Variants in DLGAP1 observed in about 807,000 individuals in gnomAD.
DLGAP1 encodes the protein disks large-associated protein 1.
A neutral mutation model predicts 90.8 loss-of-function variants in DLGAP1; 11 were observed. That is an observed-to-expected ratio of 0.12 (90% CI 0.08 to 0.20). DLGAP1 has a LOEUF of 0.20. DLGAP1 is among the 10% of genes least tolerant of loss of function. The probability of loss-of-function intolerance (pLI) is 1.00; values close to 1 mark genes in which losing one functional copy is unlikely to be tolerated. For missense variants in DLGAP1, 1,050 were observed against 1,333.8 expected, an observed-to-expected ratio of 0.79 and a Z score of 3.31; for synonymous variants, 558 against 540.7, an observed-to-expected ratio of 1.03 and a Z score of -0.44.
chr18:4,418,417 T>TA (rs2082953003), intron 1 of DLGAP1, among the ~76,000 whole-genome samples: 1 of 152,092 alleles, frequency 6.6e-6, no homozygotes, highest in South Asian at 2.1e-4. Context: ...TGATAAGGAA[T>TA]TTAAAATAAC....
intron 7 of DLGAP1, among the ~76,000 whole-genome samples, chr18:3,638,640 G>A (rs948467045): frequency 6.6e-6 from 1 of 152,150 alleles, no homozygotes; most frequent in Non-Finnish European, 1.5e-5. Flanking sequence ...ACATCTTAAT[G>A]AGATATTTAT....
intron 3 of DLGAP1, among the ~76,000 whole-genome samples, chr18:3,987,235 AATAG>A (rs1444745022): frequency 6.6e-6 from 1 of 152,120 alleles, no homozygotes; most frequent in Non-Finnish European, 1.5e-5. Flanking sequence ...GGAGATTGCT[AATAG>A]ATAGAAATCT....
intron 1 of DLGAP1, among the ~76,000 whole-genome samples, chr18:4,248,230 G>A (rs2078695672): frequency 6.6e-6 from 1 of 152,134 alleles, no homozygotes; most frequent in Admixed American, 6.6e-5. Flanking sequence ...AAACAAGCAT[G>A]AATGCTGACT....
At chr18:4,202,221 G>T (rs2077621614) in intron 1 of DLGAP1, among the ~76,000 whole-genome samples, 1 of 152,072 alleles carries the variant, frequency 6.6e-6, no homozygotes, top group Admixed American at 6.6e-5. Flanking sequence ...GATAAAACTG[G>T]AGTCCATTTT....
intron 5 of DLGAP1, among the ~76,000 whole-genome samples, chr18:3,769,391 C>T (rs1412941709): frequency 6.6e-6 from 1 of 152,096 alleles, no homozygotes; most frequent in Non-Finnish European, 1.5e-5. Context: ...GAATTGTACT[C>T]CTGGGAATTT....
At chr18:4,440,281 A>G (rs1178943179) in intron 1 of DLGAP1, among the ~76,000 whole-genome samples, 1 of 152,156 alleles carries the variant, frequency 6.6e-6, no homozygotes. Flanking sequence ...TTCATCTTAT[A>G]TGATTGTGAT....
At chr18:3,792,457 C>A (rs550185881) in intron 5 of DLGAP1, among the ~76,000 whole-genome samples, 3 of 149,318 alleles carry the variant, frequency 2.0e-5, no homozygotes, top group African/African-American at 5.1e-5. Flanking sequence ...TGCACTCCAG[C>A]GAGACTCCAT....
At chr18:3,884,871 T>A (rs2071269452) in intron 3 of DLGAP1, among the ~76,000 whole-genome samples, 1 of 152,186 alleles carries the variant, frequency 6.6e-6, no homozygotes, top group Non-Finnish European at 1.5e-5. Context: ...GAAAAGAAGG[T>A]CATAAAAAAT....
chr18:4,287,135 C>T (rs1284574241), intron 1 of DLGAP1, among the ~76,000 whole-genome samples: 2 of 152,156 alleles, frequency 1.3e-5, no homozygotes, highest in African/African-American at 4.8e-5. Context: ...CAAGCCGAGA[C>T]CAGTCTGGTA....
intron 3 of DLGAP1, among the ~76,000 whole-genome samples, chr18:3,968,757 A>G (rs965848201): frequency 2.0e-5 from 3 of 152,170 alleles, no homozygotes; most frequent in African/African-American, 7.2e-5. Context: ...GAATCATCAT[A>G]CCCAATCAAA....
chr18:3,546,828 A>AGCC (rs1379769265), intron 9 of DLGAP1, among the ~76,000 whole-genome samples: 1 of 152,160 alleles, frequency 6.6e-6, no homozygotes, highest in Non-Finnish European at 1.5e-5. Flanking sequence ...GAGCGAATGC[A>AGCC]GCTCAAGGTA....
intron 2 of DLGAP1, among the ~76,000 whole-genome samples, chr18:4,140,753 G>A (rs1271417052): frequency 2.0e-5 from 3 of 151,782 alleles, no homozygotes; most frequent in Non-Finnish European, 4.4e-5. Context: ...GTCTTCTGTT[G>A]TTCTCGAAAA....
intron 1 of DLGAP1, among the ~76,000 whole-genome samples, chr18:4,220,783 G>A (rs886835997): frequency 1.3e-5 from 2 of 151,974 alleles, no homozygotes; most frequent in Non-Finnish European, 2.9e-5. Flanking sequence ...TTTATTTGAT[G>A]AGCAGGGAAG....
At chr18:3,655,684 G>T in intron 7 of DLGAP1, 1 of 170,900 alleles carries the variant, frequency 5.9e-6, no homozygotes. Context: ...CATACTTCCT[G>T]GGCAAACATG....
rs1228791187 is a variant in DLGAP1 at position 3,565,105 on chromosome 18, G to A, written c.2057+2385C>T. ...AGTCTGTGCTGTCAACCACTACATC[G>A]TTGAGAAAAGGCACCAAGCTGGGCT... On this transcript the variant is annotated intron_variant, in intron 9 of 12. Coordinates refer to ENST00000315677, the MANE Select transcript of DLGAP1 (RefSeq NM_004746.4). The surrounding 1 kb of genome is among the most constrained non-coding windows in gnomAD (Gnocchi z 4.0). Among the ~76,000 whole-genome samples, 2 of 152,130 alleles carry A rather than the reference G, an allele frequency of 1.3e-5. No individual in the cohort carries two copies. Among genetic ancestry groups the A allele is most frequent in the Non-Finnish European group, 2.9e-5 (2 of 68,024 alleles).
chr18:3,547,258 C>A (rs1394226175), intron 9 of DLGAP1, among the ~76,000 whole-genome samples: 2 of 144,680 alleles, frequency 1.4e-5, no homozygotes, highest in Non-Finnish European at 3.0e-5. Flanking sequence ...GCCGAGATCG[C>A]GCCACTGCAC....
chr18:4,050,607 C>T (rs952202327), intron 2 of DLGAP1, among the ~76,000 whole-genome samples: 29 of 152,322 alleles, frequency 1.9e-4, no homozygotes, highest in Admixed American at 3.9e-4. Context: ...ATCTTAGGAA[C>T]GTCAGTTCCA....
intron 2 of DLGAP1, among the ~76,000 whole-genome samples, chr18:4,024,554 C>T (rs940839099): frequency 1.3e-5 from 2 of 152,140 alleles, no homozygotes; most frequent in Non-Finnish European, 1.5e-5. Context: ...CATGTCTGTT[C>T]GTGCTCACAA....
chr18:4,057,995 AG>A (rs1365231197), intron 2 of DLGAP1, among the ~76,000 whole-genome samples: 1 of 152,184 alleles, frequency 6.6e-6, no homozygotes, highest in African/African-American at 2.4e-5. Flanking sequence ...TTGTGGAGGA[AG>A]GAAGAACCCT....
Sources: allele counts gnomAD v4.1 joint callset (sites outside exome capture counted in the v4.1 genomes callset), GRCh38; gene constraint gnomAD v4.1.1; non-coding constraint Gnocchi (gnomAD v3.1); transcripts MANE v1.5; gene names NCBI Gene and HGNC (gene_info 2026-07-23, HGNC 2026-07-21).